Variants in EDN1 observed in about 807,000 individuals in gnomAD.
EDN1 encodes the protein endothelin 1, also known as endothelin-1.
A neutral mutation model predicts 21.7 loss-of-function variants in EDN1; 11 were observed. The observed-to-expected ratio is 0.51, with a 90% CI of 0.32 to 0.84. The LOEUF (loss-of-function observed/expected upper bound fraction) is 0.84, where lower values mean the gene tolerates loss of function less well. EDN1 is among the 40% of genes least tolerant of loss of function. The pLI is 0.03. For missense variants in EDN1, 244 were observed against 262.3 expected (o/e 0.93, Z 0.48); for synonymous variants, 85 against 90.6 (o/e 0.94, Z 0.35).
chr6:12,275,891 G>T, the EDN1 span, among the ~76,000 whole-genome samples: 1 of 151,968 alleles, frequency 6.6e-6, no homozygotes, highest in Non-Finnish European at 1.5e-5. Flanking sequence ...TGCCGGGCAT[G>T]GTGGCTCACG....
the EDN1 span, among the ~76,000 whole-genome samples, chr6:12,280,755 T>C: frequency 6.6e-6 from 1 of 152,100 alleles, no homozygotes; most frequent in African/African-American, 2.4e-5. Context: ...TAGCCAGACA[T>C]GGTGTCCTGC....
rs1762644548 is a variant in EDN1, at chr6:12,290,493, G to A, written c.-137G>A. 6.0e-6 allele frequency: 4 copies of A among 662,236 alleles called. No homozygotes were observed. In the South Asian group the frequency reaches 6.5e-5, roughly 11 times the overall value. The allele number at this position is 662,236 out of a possible 1,614,324, so 41.0% of individuals were successfully genotyped here. ...CTGGCAGGCGCTGCCTTTTCTCCCCGTTAAAAGGGCACTTGGGCTGAAGGA... is the reference window on the plus strand; with the variant it reads ...CTGGCAGGCGCTGCCTTTTCTCCCCATTAAAAGGGCACTTGGGCTGAAGGA... On this transcript the variant is annotated 5_prime_UTR_variant, in exon 1 of 5. Coordinates refer to ENST00000379375, the MANE Select transcript of EDN1 (RefSeq NM_001955.5).
the EDN1 span, among the ~76,000 whole-genome samples, chr6:12,237,407 C>A: frequency 6.6e-6 from 1 of 152,038 alleles, no homozygotes; most frequent in Non-Finnish European, 1.5e-5. Context: ...GAAAGTGATA[C>A]CTAGGCTGGA....
At chr6:12,290,910 A>G (rs1418839716) in intron 1 of EDN1, among the ~76,000 whole-genome samples, 1 of 152,102 alleles carries the variant, frequency 6.6e-6, no homozygotes, top group African/African-American at 2.4e-5. Context: ...TGACTATAAC[A>G]TGACATTAAA....
At chr6:12,288,317 G>T (rs977102246), upstream of EDN1, among the ~76,000 whole-genome samples, 1 of 152,154 alleles carries the variant, frequency 6.6e-6, no homozygotes, top group African/African-American at 2.4e-5. Context: ...GTGTTGGGGG[G>T]GAGGCGCTGC....
chr6:12,269,853 A>C, the EDN1 span, among the ~76,000 whole-genome samples: 1 of 151,908 alleles, frequency 6.6e-6, no homozygotes, highest in African/African-American at 2.4e-5. Flanking sequence ...CCTCCTTTTC[A>C]ATTTTTTGGA....
the EDN1 span, among the ~76,000 whole-genome samples, chr6:12,267,620 C>A: frequency 6.6e-6 from 1 of 152,194 alleles, no homozygotes; most frequent in African/African-American, 2.4e-5. Flanking sequence ...AAGAAGCTAT[C>A]TCCATAACAT....
At chr6:12,250,962 C>G in the EDN1 span, among the ~76,000 whole-genome samples, 1 of 152,304 alleles carries the variant, frequency 6.6e-6, no homozygotes, top group Non-Finnish European at 1.5e-5. Context: ...CAAGTCATTT[C>G]TGCTTAACTG....
chr6:12,293,822 A>T, intron 2 of EDN1, 119 bp from the exon 3 acceptor site: 1 of 1,131,220 alleles, frequency 8.8e-7, no homozygotes, highest in Non-Finnish European at 1.3e-6. Flanking sequence ...CTCTGAAATG[A>T]TGCTCCCAAG....
chr6:12,278,228 G>A, the EDN1 span, among the ~76,000 whole-genome samples: 5,361 of 152,154 alleles, frequency 0.035, 329 homozygotes, highest in African/African-American at 0.12. Context: ...CCTTCAGAAA[G>A]TCTATTGGAA....
chr6:12,287,443 C>T (rs1039179829), upstream of EDN1, among the ~76,000 whole-genome samples: 4 of 152,032 alleles, frequency 2.6e-5, no homozygotes, highest in African/African-American at 4.8e-5. Context: ...TTCTCCTTCT[C>T]CCCTCATTTC....
chr6:12,295,925 A>T lies in EDN1; in HGVS notation c.534-37A>T, dbSNP rs776550308. The T allele has an allele frequency of 1.8e-5, 29 of 1,586,924 alleles. No individual in the cohort carries two copies. In the Admixed American group the frequency reaches 2.5e-4, roughly 14 times the overall value. On this transcript the variant is annotated intron_variant, in intron 4 of 4. Transcript: ENST00000379375. The stretch of plus-strand genomic sequence containing the variant: ...TCTTTTGCCAAAGGGTGATTTTTTT[A>T]AAATAACATTTGTTTTCTCTTATCT...
the EDN1 span, among the ~76,000 whole-genome samples, chr6:12,273,199 C>A: frequency 7.9e-5 from 12 of 152,276 alleles, no homozygotes; most frequent in South Asian, 2.1e-4. Flanking sequence ...ACATCCAATC[C>A]AAGTCCTGAT....
chr6:12,277,003 C>G, the EDN1 span, among the ~76,000 whole-genome samples: 1 of 152,154 alleles, frequency 6.6e-6, no homozygotes, highest in Non-Finnish European at 1.5e-5. Context: ...GGAACAGGGA[C>G]TTTGCTGTAA....
chr6:12,284,240 A>G, the EDN1 span, among the ~76,000 whole-genome samples: 5 of 152,242 alleles, frequency 3.3e-5, no homozygotes, highest in Non-Finnish European at 5.9e-5. Flanking sequence ...TCAAATGAAT[A>G]AATTTCTCAC....
the EDN1 span, among the ~76,000 whole-genome samples, chr6:12,230,641 C>T: frequency 6.6e-6 from 1 of 152,066 alleles, no homozygotes; most frequent in Non-Finnish European, 1.5e-5. Context: ...AGGGCTGAAA[C>T]GAGAAGGCCT....
At chr6:12,288,314 G>T (rs182611627), upstream of EDN1, among the ~76,000 whole-genome samples, 16 of 152,302 alleles carry the variant, frequency 1.1e-4, no homozygotes, top group South Asian at 4.1e-4. Flanking sequence ...GGAGTGTTGG[G>T]GGGGAGGCGC....
At chr6:12,280,043 T>A in the EDN1 span, among the ~76,000 whole-genome samples, 5 of 151,592 alleles carry the variant, frequency 3.3e-5, no homozygotes, top group Non-Finnish European at 5.9e-5. Context: ...AGTTGCTTTT[T>A]AAAAAAAAAT....
intron 2 of EDN1, among the ~76,000 whole-genome samples, chr6:12,293,587 C>A (rs929691116): frequency 3.9e-5 from 6 of 152,158 alleles, no homozygotes; most frequent in African/African-American, 1.4e-4. Flanking sequence ...AAATAGTTAA[C>A]TAAATAGACC....
Sources: allele counts gnomAD v4.1 joint callset (sites outside exome capture counted in the v4.1 genomes callset), GRCh38; gene constraint gnomAD v4.1.1; transcripts MANE v1.5; gene names NCBI Gene and HGNC (gene_info 2026-07-23, HGNC 2026-07-21).